HERC6: variants seen among roughly 807,000 people sequenced by gnomAD.
HERC6 encodes probable E3 ubiquitin-protein ligase HERC6.
HERC6 carries 101 observed loss-of-function variants against 114.5 expected under a neutral mutation model. The ratio of observed to expected loss-of-function variants is 0.88; its 90% CI spans 0.75 to 1.04. The LOEUF (loss-of-function observed/expected upper bound fraction) is 1.04, where lower values mean the gene tolerates loss of function less well. Among genes scored for constraint, HERC6 ranks in the 50% least tolerant of loss-of-function variants. The pLI is 0.00. For synonymous variants in HERC6, 408 were observed against 436.2 expected (o/e 0.94, Z 0.81); for missense variants, 1,133 against 1,230.9 (o/e 0.92, Z 1.19).
chr4:88,380,981 A>G (rs1734285473), intron 1 of HERC6, among the ~76,000 whole-genome samples: 1 of 152,120 alleles, frequency 6.6e-6, no homozygotes, highest in Admixed American at 6.6e-5. Context: ...TCTTATGAAC[A>G]TATTACCCTT....
At chr4:88,413,416 TATTATA>T (rs1378049952) in intron 12 of HERC6, 150 bp downstream of exon 12, 3 of 609,248 alleles carry the variant, frequency 4.9e-6, no homozygotes, top group Admixed American at 6.6e-5. Flanking sequence ...AATCTAAAGC[TATTATA>T]ATTATTAGTT....
In HERC6 at chr4:88,418,721, TTTTGTTTG is replaced by T. The variant is rs566212554; in HGVS notation, c.1713+1155_1713+1162del. ...CCATCACACTACACATGTGTGATTTTTTTGTTTGTTTGTTTGTTTGCTTGAGACAGAGT... is the reference window on the plus strand; with the variant it reads ...CCATCACACTACACATGTGTGATTTTTTTGTTTGTTTGCTTGAGACAGAGT... On this transcript the variant is annotated intron_variant, in intron 13 of 22. Coordinates refer to ENST00000264346, the MANE Select transcript of HERC6 (RefSeq NM_017912.4). Among the ~76,000 whole-genome samples, 27 of 152,244 alleles carry T rather than the reference TTTTGTTTG, an allele frequency of 1.8e-4. No homozygotes were observed. In the South Asian group the frequency reaches 5.4e-3, roughly 30 times the overall value.
chr4:88,383,497 G>A (rs1734422642), intron 2 of HERC6, 117 bp downstream of exon 2: 5 of 780,958 alleles, frequency 6.4e-6, no homozygotes, highest in Non-Finnish European at 9.3e-6. Flanking sequence ...AGTGGTTCAT[G>A]TCTGTAATCC....
intron 11 of HERC6, among the ~76,000 whole-genome samples, chr4:88,411,633 G>A (rs1394214487): frequency 2.6e-5 from 4 of 152,166 alleles, no homozygotes; most frequent in African/African-American, 9.7e-5. Flanking sequence ...GAGTAAATAT[G>A]GCTAGCTGCT....
In HERC6 at chr4:88,405,617, ATACT is replaced by A; in HGVS notation, c.1274+8_1274+11del. ...CTGCAAGTTTTTTAAAGAAAAGGTA[ATACT>A]TACATAAGATTTACCTTCATTTAAA... is the stretch of plus-strand genomic sequence containing the variant. On this transcript the variant is annotated splice_donor_5th_base_variant and intron_variant, in intron 10 of 22. Coordinates refer to ENST00000264346, the MANE Select transcript of HERC6 (RefSeq NM_017912.4). The A allele has an allele frequency of 6.9e-7, 1 of 1,445,674 alleles. No individual in the cohort carries two copies. Among genetic ancestry groups the A allele is most frequent in the South Asian group, 1.3e-5 (1 of 77,722 alleles). 89.6% of individuals were successfully genotyped at this position (1,445,674 alleles called of 1,614,324 possible).
chr4:88,434,821 A>C (rs911319779), intron 17 of HERC6, among the ~76,000 whole-genome samples: 1 of 151,904 alleles, frequency 6.6e-6, no homozygotes, highest in African/African-American at 2.4e-5. Context: ...CTCAGTGAAG[A>C]GATGAAATCA....
chr4:88,414,934 G>A (rs770853261), intron 12 of HERC6, among the ~76,000 whole-genome samples: 9 of 152,138 alleles, frequency 5.9e-5, no homozygotes, highest in Non-Finnish European at 1.3e-4. Flanking sequence ...ATTCAAGATG[G>A]AGTTGCTCTG....
At chr4:88,438,356 G>A (rs959544997) in intron 20 of HERC6, among the ~76,000 whole-genome samples, 1 of 152,088 alleles carries the variant, frequency 6.6e-6, no homozygotes, top group Non-Finnish European at 1.5e-5. Context: ...CAAAAAGACA[G>A]ACAAAATTTG....
intron 2 of HERC6, among the ~76,000 whole-genome samples, chr4:88,383,850 G>A (rs887184825): frequency 6.6e-6 from 1 of 150,884 alleles, no homozygotes; most frequent in African/African-American, 2.4e-5. Flanking sequence ...AGGGAAGAAG[G>A]GAGGAAAAAA....
chr4:88,414,945 G>A (rs1736350924), intron 12 of HERC6, among the ~76,000 whole-genome samples: 1 of 152,040 alleles, frequency 6.6e-6, no homozygotes, highest in South Asian at 2.1e-4. Flanking sequence ...AGTTGCTCTG[G>A]TTCAAATGCC....
intron 4 of HERC6, 58 bp from the exon 5 acceptor site, chr4:88,393,429 AT>A: frequency 1.1e-6 from 1 of 875,100 alleles, no homozygotes; most frequent in Non-Finnish European, 1.8e-6. Context: ...TAAAATGTAA[AT>A]AGTCATGAAA....
intron 8 of HERC6, chr4:88,398,801 C>T (rs1292939449): frequency 6.6e-6 from 1 of 152,184 alleles, no homozygotes; most frequent in Non-Finnish European, 1.5e-5. Context: ...AAGTGTCAGG[C>T]AGCAATCGAA....
At chr4:88,404,465 A>G (rs955869142) in intron 8 of HERC6, among the ~76,000 whole-genome samples, 2 of 152,220 alleles carry the variant, frequency 1.3e-5, no homozygotes, top group Non-Finnish European at 2.9e-5. Context: ...CTGGGATTGC[A>G]GGCATGAGCC....
rs879481464 is a variant in HERC6, at chr4:88,427,180, T to C, written c.1936-1400T>C. On this transcript the variant is annotated intron_variant, in intron 15 of 22. Coordinates refer to ENST00000264346, the MANE Select transcript of HERC6 (RefSeq NM_017912.4). ...CTCTCCAAAGGAGAGATAATGGATA[T>C]AGTTAAAACTGCAAGCTCCAAAGTG... is the stretch of plus-strand genomic sequence containing the variant. Among the ~76,000 whole-genome samples the C allele has an allele frequency of 5.0e-4, 76 of 152,224 alleles. 1 individual carries two copies. Among genetic ancestry groups the C allele is most frequent in the Non-Finnish European group, 1.0e-3 (69 of 68,036 alleles).
At chr4:88,379,424 A>T (rs1045024254) in intron 1 of HERC6, among the ~76,000 whole-genome samples, 1 of 151,630 alleles carries the variant, frequency 6.6e-6, no homozygotes, top group Non-Finnish European at 1.5e-5. Context: ...TCGGTTTCCA[A>T]TTCAAGTTCA....
intron 3 of HERC6, among the ~76,000 whole-genome samples, chr4:88,387,315 C>T (rs545069340): frequency 8.5e-5 from 13 of 152,212 alleles, no homozygotes; most frequent in South Asian, 2.1e-4. Flanking sequence ...GAGGAGTGCT[C>T]GAGCTCAGGA....
rs1231206242 is a variant in HERC6, at chr4:88,442,285, A to G, written c.2894A>G (p.Glu965Gly). 6.2e-7 allele frequency: 1 copy of G among 1,613,696 alleles called. No individual in the cohort carries two copies. Among genetic ancestry groups the G allele is most frequent in the Admixed American group, 1.7e-5 (1 of 59,962 alleles). Residue 965 changes from glutamate (E) to glycine (G), a missense_variant, in exon 23 of 23, where the codon GAA becomes GGA. This residue lies in a region of HERC6 where 388 missense variants were observed against 445.9 expected (regional missense o/e 0.87). Coordinates refer to ENST00000264346, the MANE Select transcript of HERC6 (RefSeq NM_017912.4). ...CATGCAAGAGGCATACAGAAAATGG[A>G]AATAGTATTTCGCTGTCCTGAAACT... ...RLHARGIQKM[E>G]IVFRCPETFS...
intron 1 of HERC6, among the ~76,000 whole-genome samples, chr4:88,379,733 A>AAATATATAT (rs1553912469): frequency 3.7e-5 from 1 of 26,818 alleles, no homozygotes; most frequent in Non-Finnish European, 5.8e-5. Flanking sequence ...TATAATATAT[A>AAATATATAT]AATATATAAA....
chr4:88,393,302 C>T (rs1735017339), intron 4 of HERC6, among the ~76,000 whole-genome samples, 186 bp from the exon 5 acceptor site: 1 of 146,182 alleles, frequency 6.8e-6, no homozygotes, highest in Non-Finnish European at 1.5e-5. Flanking sequence ...ATACCCCTTA[C>T]ATAAAAAAAA....
Sources: allele counts gnomAD v4.1 joint callset (sites outside exome capture counted in the v4.1 genomes callset), GRCh38; gene constraint gnomAD v4.1.1; regional missense constraint gnomAD v4.1.1; transcripts MANE v1.5; gene names NCBI Gene and HGNC (gene_info 2026-07-23, HGNC 2026-07-21).